CNTNAP2: variants seen among roughly 807,000 people sequenced by gnomAD.
CNTNAP2 encodes contactin associated protein 2, also known as contactin-associated protein-like 2.
Under a neutral mutation model 155.2 loss-of-function variants are expected in CNTNAP2, and 98 were observed. The ratio of observed to expected loss-of-function variants is 0.63; its 90% CI spans 0.54 to 0.75. CNTNAP2 has a LOEUF of 0.75. Ranked by LOEUF, CNTNAP2 falls within the 30% of genes least tolerant of loss-of-function variation. CNTNAP2 has a pLI of 0.00. For missense variants in CNTNAP2, 1,727 were observed against 1,688.1 expected (o/e 1.02, Z -0.40); for synonymous variants, 651 against 631.2 (o/e 1.03, Z -0.47).
intron 13 of CNTNAP2, among the ~76,000 whole-genome samples, chr7:147,862,464 T>C (rs1367885810): frequency 6.6e-6 from 1 of 152,194 alleles, no homozygotes; most frequent in Non-Finnish European, 1.5e-5. Flanking sequence ...TATAATGTCC[T>C]ATAATGTACT....
intron 15 of CNTNAP2, among the ~76,000 whole-genome samples, chr7:148,045,016 C>G (rs1047455216): frequency 1.3e-5 from 2 of 152,124 alleles, no homozygotes; most frequent in Non-Finnish European, 2.9e-5. Context: ...TTATTCCTAC[C>G]AAGAGAATCA....
chr7:146,434,155 CT>C (rs961922581), intron 1 of CNTNAP2, among the ~76,000 whole-genome samples: 1 of 151,976 alleles, frequency 6.6e-6, no homozygotes, highest in African/African-American at 2.4e-5. Flanking sequence ...CATTAAACTG[CT>C]TTTTTTATGG....
chr7:148,036,360 G>A (rs1482325973), intron 15 of CNTNAP2, among the ~76,000 whole-genome samples: 2 of 152,108 alleles, frequency 1.3e-5, no homozygotes, highest in African/African-American at 4.8e-5. Flanking sequence ...TGGGAGGTGG[G>A]GCCCAGTGGG....
chr7:148,172,877 C>A (rs1248621881), intron 18 of CNTNAP2, among the ~76,000 whole-genome samples: 1 of 152,116 alleles, frequency 6.6e-6, no homozygotes, highest in Non-Finnish European at 1.5e-5. Context: ...AGCCAGTGCA[C>A]CCCAGTGGTC....
intron 16 of CNTNAP2, among the ~76,000 whole-genome samples, chr7:148,131,087 C>CTTTTTTTTT (rs755587892): frequency 9.3e-5 from 9 of 97,180 alleles, no homozygotes; most frequent in Non-Finnish European, 1.2e-4. Flanking sequence ...TTTTCTTCTT[C>CTTTTTTTTT]TTTTTTTTTT....
At chr7:146,762,037 T>C (rs890938371) in intron 1 of CNTNAP2, among the ~76,000 whole-genome samples, 1 of 152,190 alleles carries the variant, frequency 6.6e-6, no homozygotes, top group Non-Finnish European at 1.5e-5. Context: ...CATAGATCCT[T>C]ACATTGTTTA....
intron 10 of CNTNAP2, among the ~76,000 whole-genome samples, chr7:147,454,971 T>C (rs1213695008): frequency 1.3e-5 from 2 of 152,130 alleles, no homozygotes; most frequent in Non-Finnish European, 2.9e-5. Flanking sequence ...AATCTTACTT[T>C]TGGTGTGTAA....
chr7:148,354,367 G>A (rs1453634059), intron 21 of CNTNAP2, among the ~76,000 whole-genome samples: 1 of 152,064 alleles, frequency 6.6e-6, no homozygotes, highest in African/African-American at 2.4e-5. Context: ...TAGAAAAGTT[G>A]TTGAAATGAC....
At chr7:146,655,282 T>C (rs1170624305) in intron 1 of CNTNAP2, among the ~76,000 whole-genome samples, 1 of 151,390 alleles carries the variant, frequency 6.6e-6, no homozygotes, top group Admixed American at 6.6e-5. Context: ...GGTATGGTGG[T>C]GCACACCTGT....
intron 3 of CNTNAP2, among the ~76,000 whole-genome samples, chr7:147,030,898 AT>A (rs1392161991): frequency 6.6e-6 from 1 of 152,142 alleles, no homozygotes; most frequent in Non-Finnish European, 1.5e-5. Flanking sequence ...AATATATATA[AT>A]AGATATTTTT....
At position 148,415,797 on chromosome 7, in the gene CNTNAP2, T is replaced by TTAATATTTCTTTATAGC. The variant is rs1193361437; in HGVS notation, c.*183_*199dup. The TTAATATTTCTTTATAGC allele has an allele frequency of 4.6e-5, 31 of 671,718 alleles. No homozygotes were observed. Among genetic ancestry groups the TTAATATTTCTTTATAGC allele is most frequent in the Non-Finnish European group, 7.7e-5 (31 of 401,660 alleles). 41.6% of individuals were successfully genotyped at this position (671,718 alleles called of 1,614,324 possible). A position where few individuals can be genotyped will look rare whatever the true frequency, so the allele number is the denominator to read the frequency against. On this transcript the variant is annotated 3_prime_UTR_variant, in exon 24 of 24. Transcript: ENST00000361727. ...ACTGATCACAAAAAAAAAAACCTTTTTAATATTTCTTTATAGCTGAGTTTT... is the reference window on the plus strand; with the variant it reads ...ACTGATCACAAAAAAAAAAACCTTTTTAATATTTCTTTATAGCTAATATTTCTTTATAGCTGAGTTTT...
chr7:148,365,429 C>G (rs1798718648), intron 21 of CNTNAP2, among the ~76,000 whole-genome samples: 1 of 152,070 alleles, frequency 6.6e-6, no homozygotes, highest in Non-Finnish European at 1.5e-5. Flanking sequence ...CTTTGGGAGA[C>G]CAAGGTGGGC....
Position 146,907,652 on chromosome 7 carries a change from G to C in CNTNAP2, c.402+67748G>C, listed in dbSNP as rs371421283. Among the ~76,000 whole-genome samples the C allele has an allele frequency of 4.4e-3, 660 of 149,868 alleles. 4 individuals carry two copies. The highest frequency in any genetic ancestry group is 0.015 in the African/African-American group (595 of 40,618). The stretch of plus-strand genomic sequence containing the variant: ...CCCTAAAAGAGCTCCTGAAGGAAGC[G>C]CTAAACATGGAAAGGAACAACCGGT... On this transcript the variant is annotated intron_variant, in intron 3 of 23. Transcript: ENST00000361727.
At chr7:147,303,667 T>A (rs1326493689) in intron 9 of CNTNAP2, among the ~76,000 whole-genome samples, 1 of 152,224 alleles carries the variant, frequency 6.6e-6, no homozygotes, top group African/African-American at 2.4e-5. Context: ...AATTAGTGGA[T>A]CCTTTAATAC....
chr7:148,107,033 C>G (rs1229987922), intron 15 of CNTNAP2, among the ~76,000 whole-genome samples: 4 of 152,150 alleles, frequency 2.6e-5, no homozygotes, highest in Non-Finnish European at 5.9e-5. Flanking sequence ...TTGTAGAGCC[C>G]TAATGTGGAG....
intron 1 of CNTNAP2, among the ~76,000 whole-genome samples, chr7:146,305,987 G>C (rs1317452851): frequency 6.6e-6 from 1 of 151,906 alleles, no homozygotes; most frequent in Non-Finnish European, 1.5e-5. Flanking sequence ...AAACAAAATT[G>C]ATAGACCGCT....
chr7:147,577,526 T>C (rs551213656), intron 12 of CNTNAP2, among the ~76,000 whole-genome samples: 2 of 151,974 alleles, frequency 1.3e-5, no homozygotes, highest in East Asian at 3.9e-4. Context: ...TCTACTTGTG[T>C]ATACAAAGGC....
At chr7:146,394,171 G>A (rs1414673130) in intron 1 of CNTNAP2, among the ~76,000 whole-genome samples, 2 of 152,106 alleles carry the variant, frequency 1.3e-5, no homozygotes, top group Admixed American at 1.3e-4. Context: ...TTATTTAGGT[G>A]TAGATAAGCT....
At chr7:146,689,287 G>T (rs1800657237) in intron 1 of CNTNAP2, among the ~76,000 whole-genome samples, 2 of 151,834 alleles carry the variant, frequency 1.3e-5, no homozygotes, top group African/African-American at 4.8e-5. Flanking sequence ...TTAAGATAGG[G>T]GTTATCAAGC....
Sources: allele counts gnomAD v4.1 joint callset (sites outside exome capture counted in the v4.1 genomes callset), GRCh38; gene constraint gnomAD v4.1.1; transcripts MANE v1.5; gene names NCBI Gene and HGNC (gene_info 2026-07-23, HGNC 2026-07-21).